The following ZNF277 variants were observed in gnomAD, a reference collection of about 807,000 sequenced individuals.
ZNF277 encodes zinc finger protein 277.
Under a neutral mutation model 60.7 loss-of-function variants are expected in ZNF277, and 55 were observed. The ratio of observed to expected loss-of-function variants is 0.91; its 90% confidence interval spans 0.73 to 1.13. The LOEUF (loss-of-function observed/expected upper bound fraction) is 1.13. Among genes scored for constraint, ZNF277 ranks in the 50% most tolerant of loss-of-function variants. The probability of loss-of-function intolerance (pLI) is 0.00; values close to 1 mark genes in which losing one functional copy is unlikely to be tolerated. For synonymous variants in ZNF277, 178 were observed against 179.3 expected, an observed-to-expected ratio of 0.99 and a Z score of 0.06; for missense variants, 510 against 523.0, an observed-to-expected ratio of 0.98 and a Z score of 0.24.
At chr7:112,301,916 T>C (rs1792480150) in intron 4 of ZNF277, among the ~76,000 whole-genome samples, 1 of 152,122 alleles carries the variant, frequency 6.6e-6, no homozygotes, top group Non-Finnish European at 1.5e-5. Context: ...CAAATATCCC[T>C]GATTAACAAG....
intron 1 of ZNF277, among the ~76,000 whole-genome samples, chr7:112,257,078 T>A (rs1413472158): frequency 6.6e-6 from 1 of 152,230 alleles, no homozygotes; most frequent in Non-Finnish European, 1.5e-5. Flanking sequence ...AGTAGTTATT[T>A]TTCAATGGGA....
chr7:112,210,710 G>A (rs1821722975), intron 1 of ZNF277, among the ~76,000 whole-genome samples: 1 of 152,052 alleles, frequency 6.6e-6, no homozygotes, highest in African/African-American at 2.4e-5. Flanking sequence ...GACCACAGGT[G>A]ATCCACCCTC....
At position 112,212,879 on chromosome 7, in the gene ZNF277, C is replaced by A. The variant is rs189873378; in HGVS notation, c.91+6072C>A. On this transcript the variant is annotated intron_variant, in intron 1 of 11. Coordinates refer to ENST00000361822, the MANE Select transcript of ZNF277 (RefSeq NM_021994.3). Reference sequence around the variant, plus strand: ...TCACACCCAGCTCCCCACCCGCACACACACACATTGACACTCAAAGTCATC... The same window carrying A: ...TCACACCCAGCTCCCCACCCGCACAAACACACATTGACACTCAAAGTCATC... 4.6e-5 allele frequency among the ~76,000 whole-genome samples: 7 copies of A among 152,336 alleles called. No individual in the cohort carries two copies. In the East Asian group the frequency reaches 1.3e-3, roughly 29 times the overall value.
intron 5 of ZNF277, among the ~76,000 whole-genome samples, chr7:112,323,132 T>C (rs1037328923): frequency 5.3e-5 from 8 of 152,248 alleles, no homozygotes; most frequent in Admixed American, 3.9e-4. Flanking sequence ...CTTGCTTGTG[T>C]AGAGTTTCAG....
chr7:112,312,441 T>A (rs1026873744), intron 4 of ZNF277, among the ~76,000 whole-genome samples: 1 of 152,104 alleles, frequency 6.6e-6, no homozygotes, highest in African/African-American at 2.4e-5. Context: ...ACTGTTGATT[T>A]TCTTACTTGT....
intron 1 of ZNF277, among the ~76,000 whole-genome samples, chr7:112,227,189 G>C (rs893484880): frequency 6.6e-6 from 1 of 152,126 alleles, no homozygotes; most frequent in Non-Finnish European, 1.5e-5. Context: ...GTTGATCCTT[G>C]CGTGAAATTA....
intron 4 of ZNF277, among the ~76,000 whole-genome samples, chr7:112,314,230 A>G (rs1792792476): frequency 6.6e-6 from 1 of 152,102 alleles, no homozygotes; most frequent in South Asian, 2.1e-4. Flanking sequence ...CGTCACAAAA[A>G]CAGGACAAGA....
At position 112,314,221 on chromosome 7, in the gene ZNF277, G is replaced by A. The variant is rs1171998088; in HGVS notation, c.466-3961G>A. On this transcript the variant is annotated intron_variant, in intron 4 of 11. Coordinates refer to ENST00000361822, the MANE Select transcript of ZNF277 (RefSeq NM_021994.3). Reference sequence around the variant, plus strand: ...CCAAGGCCACATTAAGAGCTACTTCGTCACAAAAACAGGACAAGAATACAG... The same window carrying A: ...CCAAGGCCACATTAAGAGCTACTTCATCACAAAAACAGGACAAGAATACAG... 8.6e-5 allele frequency among the ~76,000 whole-genome samples: 13 copies of A among 152,008 alleles called. 1 individual carries two copies. The highest frequency in any genetic ancestry group is 1.6e-4 in the Non-Finnish European group (11 of 67,974).
chr7:112,295,769 G>T, intron 2 of ZNF277, 100 bp from the exon 3 acceptor site: 1 of 898,030 alleles, frequency 1.1e-6, no homozygotes, highest in Non-Finnish European at 1.7e-6. Flanking sequence ...CATTTGATTT[G>T]TTGCTTTGGG....
intron 1 of ZNF277, among the ~76,000 whole-genome samples, chr7:112,218,736 G>C (rs1563194342): frequency 2.0e-5 from 3 of 152,076 alleles, no homozygotes; most frequent in Non-Finnish European, 4.4e-5. Flanking sequence ...TTTTCTCTCT[G>C]TCTTATTTAA....
chr7:112,284,840 C>T (rs987559705), intron 1 of ZNF277, among the ~76,000 whole-genome samples: 1 of 151,910 alleles, frequency 6.6e-6, no homozygotes, highest in Non-Finnish European at 1.5e-5. Context: ...CTCCCCCAAC[C>T]GCTGCTGCTG....
chr7:112,248,755 C>T (rs1286111267), intron 1 of ZNF277, among the ~76,000 whole-genome samples: 2 of 151,956 alleles, frequency 1.3e-5, no homozygotes, highest in Non-Finnish European at 1.5e-5. Flanking sequence ...TAGGCTTAAT[C>T]GCATATATCT....
intron 1 of ZNF277, among the ~76,000 whole-genome samples, chr7:112,270,409 A>C (rs1310947591): frequency 6.6e-6 from 1 of 152,138 alleles, no homozygotes; most frequent in Non-Finnish European, 1.5e-5. Context: ...GGAAGGACTT[A>C]GAATTTTCAG....
chr7:112,226,414 A>T (rs1377124924), intron 1 of ZNF277, among the ~76,000 whole-genome samples: 3 of 152,184 alleles, frequency 2.0e-5, no homozygotes, highest in African/African-American at 7.2e-5. Context: ...TATCACTGAA[A>T]TTAATATTTA....
intron 9 of ZNF277, among the ~76,000 whole-genome samples, chr7:112,338,957 A>T (rs1793386713): frequency 1.3e-5 from 2 of 152,232 alleles, no homozygotes; most frequent in Admixed American, 1.3e-4. Context: ...GTGAGATTGT[A>T]GGTTAAAACA....
At chr7:112,310,015 C>G (rs4730523) in intron 4 of ZNF277, among the ~76,000 whole-genome samples, 8,964 of 152,088 alleles carry the variant, frequency 0.059, 716 homozygotes, top group African/African-American at 0.18. Context: ...CATACCCAGA[C>G]TAATCCCTAC....
chr7:112,308,368 T>C (rs1792647373), intron 4 of ZNF277, among the ~76,000 whole-genome samples: 1 of 151,796 alleles, frequency 6.6e-6, no homozygotes, highest in Admixed American at 6.6e-5. Context: ...AAATAAAAAA[T>C]TAGCCAGGCG....
chr7:112,301,071 A>G (rs1261470146), intron 4 of ZNF277, among the ~76,000 whole-genome samples: 1 of 152,142 alleles, frequency 6.6e-6, no homozygotes, highest in Non-Finnish European at 1.5e-5. Flanking sequence ...ATATTAATAA[A>G]TAACATAAAT....
At chr7:112,242,215 T>C (rs968603725) in intron 1 of ZNF277, among the ~76,000 whole-genome samples, 3 of 152,008 alleles carry the variant, frequency 2.0e-5, no homozygotes, top group African/African-American at 7.2e-5. Context: ...GCATCCTTCA[T>C]GATAAAAGCT....
Sources: allele counts gnomAD v4.1 joint callset (sites outside exome capture counted in the v4.1 genomes callset), GRCh38; gene constraint gnomAD v4.1.1; transcripts MANE v1.5; gene names NCBI Gene and HGNC (gene_info 2026-07-23, HGNC 2026-07-21).